Variants in APBA1 observed in about 807,000 individuals in gnomAD.
APBA1 encodes amyloid-beta A4 precursor protein-binding family A member 1.
In APBA1, 55 loss-of-function variants were observed where a neutral mutation model predicts 86.6. The observed-to-expected ratio is 0.64, with a 90% CI of 0.51 to 0.80. The LOEUF is 0.80. APBA1 is among the 30% of genes least tolerant of loss of function. APBA1 has a pLI of 0.00. For missense variants in APBA1, 1,090 were observed against 1,183.0 expected (o/e 0.92, Z 1.15); for synonymous variants, 511 against 493.9 (o/e 1.03, Z -0.46).
chr9:69,672,550 G>A (rs1306421136), upstream of APBA1, among the ~76,000 whole-genome samples: 1 of 147,438 alleles, frequency 6.8e-6, no homozygotes, highest in Non-Finnish European at 1.5e-5. Flanking sequence ...CGCGGCCCGC[G>A]AGCCCGCGGC....
At chr9:69,436,564 G>A (rs1257059837) in intron 11 of APBA1, among the ~76,000 whole-genome samples, 1 of 102,344 alleles carries the variant, frequency 9.8e-6, no homozygotes, top group Non-Finnish European at 2.0e-5. Context: ...GTTCACTCAT[G>A]ATTTGGCTCT....
chr9:69,576,407 T>G lies in APBA1; in HGVS notation c.-69-59128A>C, dbSNP rs546040750. On this transcript the variant is annotated intron_variant, in intron 1 of 12. Transcript: ENST00000265381. ...TGCTGCTATAAAGACACATGCACAC[T>G]TATGTTTATTGCGGCACTATTCACA... 8.2e-3 allele frequency among the ~76,000 whole-genome samples: 1,242 copies of G among 152,276 alleles called. 14 individuals are homozygous for G. The highest frequency in any genetic ancestry group is 0.028 in the African/African-American group (1,159 of 41,536).
At chr9:69,520,890 C>A (rs1289433348) in intron 1 of APBA1, among the ~76,000 whole-genome samples, 1 of 152,148 alleles carries the variant, frequency 6.6e-6, no homozygotes, top group East Asian at 1.9e-4. Context: ...GATTTATCAG[C>A]CCCCTCCAGT....
At chr9:69,627,251 TGTC>T (rs1564095911) in intron 1 of APBA1, among the ~76,000 whole-genome samples, 1 of 152,168 alleles carries the variant, frequency 6.6e-6, no homozygotes, top group African/African-American at 2.4e-5. Flanking sequence ...TTGTTGTTGT[TGTC>T]ATCTTATTTG....
intron 1 of APBA1, among the ~76,000 whole-genome samples, chr9:69,668,777 C>T (rs1024664383): frequency 2.0e-5 from 3 of 152,152 alleles, no homozygotes; most frequent in Non-Finnish European, 4.4e-5. Context: ...TGTAGGCATA[C>T]ACCTTCCACT....
chr9:69,553,273 GTGTA>G (rs1836815590), intron 1 of APBA1, among the ~76,000 whole-genome samples: 1 of 152,136 alleles, frequency 6.6e-6, no homozygotes, highest in South Asian at 2.1e-4. Context: ...TGATGAATGT[GTGTA>G]TGTGTGTGTG....
intron 1 of APBA1, among the ~76,000 whole-genome samples, chr9:69,632,962 C>A (rs1484608637): frequency 6.6e-6 from 1 of 151,792 alleles, no homozygotes; most frequent in Non-Finnish European, 1.5e-5. Context: ...AGTATCGATT[C>A]CTCTAGCTCC....
chr9:69,496,388 G>A (rs1436302514), intron 2 of APBA1, among the ~76,000 whole-genome samples: 1 of 151,986 alleles, frequency 6.6e-6, no homozygotes, highest in Admixed American at 6.5e-5. Context: ...AGGACCAAAA[G>A]GTAGAAAAAA....
chr9:69,474,868 G>A lies in APBA1; in HGVS notation c.1296+1180C>T, dbSNP rs558263010. On this transcript the variant is annotated intron_variant, in intron 3 of 12. Transcript: ENST00000265381. ...TTTAACTAAGACTCCCTTTAAAAGC[G>A]ATCTGCCACTCAGTTTAAACAGAGA... 3.3e-5 allele frequency among the ~76,000 whole-genome samples: 5 copies of A among 152,266 alleles called. No homozygotes were observed. The South Asian group carries it at 6.2e-4, about 19-fold the overall frequency.
intron 1 of APBA1, among the ~76,000 whole-genome samples, chr9:69,541,545 G>A (rs1211533393): frequency 9.4e-6 from 1 of 106,020 alleles, no homozygotes; most frequent in Non-Finnish European, 2.2e-5. Context: ...TCTCTTTTTT[G>A]CATTTTTTTT....
intron 2 of APBA1, among the ~76,000 whole-genome samples, chr9:69,511,030 A>T (rs1836027974): frequency 6.6e-6 from 1 of 151,648 alleles, no homozygotes; most frequent in African/African-American, 2.4e-5. Flanking sequence ...TTCATGTCCA[A>T]AACACCAAAA....
At position 69,608,383 on chromosome 9, in the gene APBA1, C is replaced by T. The variant is rs567515732; in HGVS notation, c.-70+63770G>A. 2.0e-5 allele frequency among the ~76,000 whole-genome samples: 3 copies of T among 152,186 alleles called. No individual in the cohort carries two copies. In the South Asian group the frequency reaches 6.2e-4, roughly 32 times the overall value. ...ATTGAAAGGAATTTTTGAGTCTATA[C>T]CATCATCAAATTACTCAAAAGGAAA... On this transcript the variant is annotated intron_variant, in intron 1 of 12. Coordinates refer to ENST00000265381, the MANE Select transcript of APBA1 (RefSeq NM_001163.4).
intron 1 of APBA1, among the ~76,000 whole-genome samples, chr9:69,534,431 C>G (rs1836479464): frequency 2.0e-5 from 3 of 152,174 alleles, no homozygotes; most frequent in Non-Finnish European, 2.9e-5. Context: ...TCCATGTTCT[C>G]TTTCACTATA....
At chr9:69,581,104 C>T (rs988522397) in intron 1 of APBA1, among the ~76,000 whole-genome samples, 1 of 152,086 alleles carries the variant, frequency 6.6e-6, no homozygotes, top group Non-Finnish European at 1.5e-5. Flanking sequence ...CTCCAGACAC[C>T]CTTTTCTGGC....
At chr9:69,530,476 A>G (rs1836413871) in intron 1 of APBA1, among the ~76,000 whole-genome samples, 1 of 152,072 alleles carries the variant, frequency 6.6e-6, no homozygotes, top group Non-Finnish European at 1.5e-5. Context: ...CAGAAAACCA[A>G]ACTCCTCATG....
chr9:69,553,908 T>C (rs1405115660), intron 1 of APBA1, among the ~76,000 whole-genome samples: 1 of 152,208 alleles, frequency 6.6e-6, no homozygotes, highest in Non-Finnish European at 1.5e-5. Flanking sequence ...GACTGAATCT[T>C]ATATGGTCTT....
In APBA1 at chr9:69,456,569, G is replaced by T. The variant is rs894206697; in HGVS notation, c.1603-137C>A. On this transcript the variant is annotated intron_variant, in intron 7 of 12. Coordinates refer to ENST00000265381, the MANE Select transcript of APBA1 (RefSeq NM_001163.4). ...GGGCTCACTGCAAAGCCCATGCTGA[G>T]GGATCAACGGATACCCACCCAGGCC... 3.0e-5 allele frequency: 26 copies of T among 866,940 alleles called. No homozygotes were observed. The African/African-American group carries it at 4.1e-4, about 14-fold the overall frequency. 53.7% of individuals were successfully genotyped at this position (866,940 alleles called of 1,614,324 possible).
chr9:69,448,268 T>C (rs1834945300), intron 10 of APBA1, among the ~76,000 whole-genome samples: 1 of 152,238 alleles, frequency 6.6e-6, no homozygotes, highest in Non-Finnish European at 1.5e-5. Context: ...CCCTTGCACG[T>C]CTCTAATTAT....
At chr9:69,525,941 G>T (rs183056483) in intron 1 of APBA1, among the ~76,000 whole-genome samples, 2 of 151,280 alleles carry the variant, frequency 1.3e-5, no homozygotes, top group Non-Finnish European at 1.5e-5. Flanking sequence ...ATCTTCAGTC[G>T]AAGTCAAGAA....
Sources: allele counts gnomAD v4.1 joint callset (sites outside exome capture counted in the v4.1 genomes callset), GRCh38; gene constraint gnomAD v4.1.1; transcripts MANE v1.5; gene names NCBI Gene and HGNC (gene_info 2026-07-23, HGNC 2026-07-21).